OTUD7A: variants seen among roughly 807,000 people sequenced by gnomAD.
OTUD7A encodes the protein OTU deubiquitinase 7A.
Under a neutral mutation model 65.7 loss-of-function variants are expected in OTUD7A, and 12 were observed. That is an observed-to-expected ratio of 0.18 (90% CI 0.12 to 0.30). The LOEUF is 0.30. OTUD7A is among the 10% of genes least tolerant of loss of function. The probability of loss-of-function intolerance (pLI) is 1.00; values close to 1 mark genes in which losing one functional copy is unlikely to be tolerated. For synonymous variants in OTUD7A, 641 were observed against 586.3 expected (o/e 1.09, Z -1.35); for missense variants, 1,148 against 1,304.8 (o/e 0.88, Z 1.85).
intron 1 of OTUD7A, among the ~76,000 whole-genome samples, chr15:31,857,532 G>C (rs1159287958): frequency 6.6e-6 from 1 of 152,134 alleles, no homozygotes; most frequent in African/African-American, 2.4e-5. Context: ...AGCTGTCCTG[G>C]GAGAAGCCTG....
intron 1 of OTUD7A, among the ~76,000 whole-genome samples, chr15:31,676,943 C>T (rs951920388): frequency 3.9e-5 from 6 of 152,214 alleles, no homozygotes; most frequent in Non-Finnish European, 8.8e-5. Context: ...ACATTTATGA[C>T]CTTGCGGTAA....
chr15:31,802,716 T>C (rs1896168170), intron 1 of OTUD7A, among the ~76,000 whole-genome samples: 1 of 152,252 alleles, frequency 6.6e-6, no homozygotes, highest in East Asian at 1.9e-4. Context: ...ACATCTCACA[T>C]CTTTTTTAAT....
intron 1 of OTUD7A, among the ~76,000 whole-genome samples, chr15:31,710,602 A>T (rs975114812): frequency 1.3e-5 from 2 of 152,226 alleles, no homozygotes; most frequent in Non-Finnish European, 2.9e-5. Context: ...GCAGTAAGAA[A>T]TAAGAAGAAT....
chr15:31,551,214 A>C (rs1410610283), intron 5 of OTUD7A, among the ~76,000 whole-genome samples: 2 of 152,208 alleles, frequency 1.3e-5, no homozygotes, highest in Non-Finnish European at 2.9e-5. Context: ...CGGAGACCCC[A>C]TCATGGCCCA....
intron 1 of OTUD7A, among the ~76,000 whole-genome samples, chr15:31,777,076 C>T (rs957204307): frequency 1.3e-5 from 2 of 152,244 alleles, no homozygotes; most frequent in East Asian, 1.9e-4. Context: ...CTGGGTCGCT[C>T]ATAAACAGGC....
At chr15:31,669,064 C>G (rs1892408367) in intron 1 of OTUD7A, among the ~76,000 whole-genome samples, 1 of 152,114 alleles carries the variant, frequency 6.6e-6, no homozygotes. Context: ...GTGGTGGGGT[C>G]AAATGGACTC....
intron 5 of OTUD7A, among the ~76,000 whole-genome samples, chr15:31,553,059 T>G (rs1393384234): frequency 6.6e-6 from 1 of 152,170 alleles, no homozygotes. Context: ...TCAAGCACAG[T>G]GCAGCATGGC....
At chr15:31,759,311 T>G (rs1462246653) in intron 1 of OTUD7A, among the ~76,000 whole-genome samples, 1 of 152,232 alleles carries the variant, frequency 6.6e-6, no homozygotes, top group Non-Finnish European at 1.5e-5. Context: ...GGTCCCCAGG[T>G]GACCATAATA....
rs113705229 is a variant in OTUD7A at position 31,839,587 on chromosome 15, A to G, written c.-100+30920T>C. 5.2e-3 allele frequency among the ~76,000 whole-genome samples: 789 copies of G among 152,332 alleles called. 4 individuals are homozygous for G. Among genetic ancestry groups the G allele is most frequent in the African/African-American group, 0.018 (755 of 41,576 alleles). On this transcript the variant is annotated intron_variant, in intron 1 of 12. Transcript: ENST00000307050. ...CCTGGCATCCACTCAGCACCTGCAC[A>G]GAAGCACGTGTGAGAGCCCTGCTCT...
At chr15:31,607,646 GT>G (rs1365411384) in intron 3 of OTUD7A, among the ~76,000 whole-genome samples, 4 of 152,178 alleles carry the variant, frequency 2.6e-5, no homozygotes, top group Non-Finnish European at 5.9e-5. Context: ...GTGACATAAT[GT>G]TCTAGTGCAA....
rs755130819 is a variant in OTUD7A, at chr15:31,529,740, G to A, written c.652+967C>T. ...TACCTCTTGCTGAATAGGCCTCACCGCAGGTCCAAAGAGAGAGAGGTCTGG... is the reference window on the plus strand; with the variant it reads ...TACCTCTTGCTGAATAGGCCTCACCACAGGTCCAAAGAGAGAGAGGTCTGG... On this transcript the variant is annotated intron_variant, in intron 6 of 12. Transcript: ENST00000307050. Among the ~76,000 whole-genome samples the A allele has an allele frequency of 8.5e-5, 13 of 152,156 alleles. No individual in the cohort carries two copies. The East Asian group carries it at 1.7e-3, about 20-fold the overall frequency.
intron 3 of OTUD7A, among the ~76,000 whole-genome samples, chr15:31,635,160 T>C (rs1891300266): frequency 6.6e-6 from 1 of 152,208 alleles, no homozygotes; most frequent in African/African-American, 2.4e-5. Flanking sequence ...CCATTCATAG[T>C]CCTTCTTGGC....
chr15:31,627,540 G>T (rs75116987), intron 3 of OTUD7A, among the ~76,000 whole-genome samples: 2 of 151,922 alleles, frequency 1.3e-5, no homozygotes, highest in African/African-American at 4.8e-5. Flanking sequence ...GAATAGTGCT[G>T]CAATAAACAT....
chr15:31,798,015 A>G (rs1457045341), intron 1 of OTUD7A, among the ~76,000 whole-genome samples: 1 of 152,182 alleles, frequency 6.6e-6, no homozygotes, highest in East Asian at 1.9e-4. Flanking sequence ...CTGCGTCTTC[A>G]CATGGGCATT....
At chr15:31,846,861 G>A (rs1897304465) in intron 1 of OTUD7A, among the ~76,000 whole-genome samples, 1 of 152,152 alleles carries the variant, frequency 6.6e-6, no homozygotes, top group African/African-American at 2.4e-5. Context: ...TTTCTAAAGA[G>A]TACTTGCTAC....
At chr15:31,721,952 TA>T (rs1893751595) in intron 1 of OTUD7A, among the ~76,000 whole-genome samples, 1 of 152,194 alleles carries the variant, frequency 6.6e-6, no homozygotes, top group African/African-American at 2.4e-5. Flanking sequence ...CGGTGCTCAA[TA>T]AAACTCTGCT....
intron 3 of OTUD7A, among the ~76,000 whole-genome samples, chr15:31,592,360 CT>C (rs1889751745): frequency 6.6e-6 from 1 of 151,400 alleles, no homozygotes; most frequent in Non-Finnish European, 1.5e-5. Context: ...TCTTTATATC[CT>C]TATTCTATAA....
At chr15:31,501,585 A>G in intron 10 of OTUD7A, 105 bp downstream of exon 10, 1 of 1,454,800 alleles carries the variant, frequency 6.9e-7, no homozygotes, top group Non-Finnish European at 9.5e-7. Flanking sequence ...GTGTGCTTCT[A>G]AGGGGGGGTC....
At chr15:31,754,190 C>T (rs1422462000) in intron 1 of OTUD7A, among the ~76,000 whole-genome samples, 1 of 151,966 alleles carries the variant, frequency 6.6e-6, no homozygotes, top group Non-Finnish European at 1.5e-5. Context: ...TATACATGTC[C>T]TTAGCCTACT....
Sources: allele counts gnomAD v4.1 joint callset (sites outside exome capture counted in the v4.1 genomes callset), GRCh38; gene constraint gnomAD v4.1.1; transcripts MANE v1.5; gene names NCBI Gene and HGNC (gene_info 2026-07-23, HGNC 2026-07-21).